CABCOCO1: variants seen among roughly 807,000 people sequenced by gnomAD.
CABCOCO1 encodes ciliary-associated calcium-binding coiled-coil protein 1.
In CABCOCO1, 28 loss-of-function variants were observed where a neutral mutation model predicts 35.7. That is an observed-to-expected ratio of 0.78 (90% CI 0.58 to 1.07). CABCOCO1 has a LOEUF of 1.07. Among genes scored for constraint, CABCOCO1 ranks in the 50% least tolerant of loss-of-function variants. The pLI is 0.00. For missense variants in CABCOCO1, 326 were observed against 309.2 expected (o/e 1.05, Z -0.41); for synonymous variants, 95 against 100.1 (o/e 0.95, Z 0.30).
intron 5 of CABCOCO1, among the ~76,000 whole-genome samples, chr10:61,742,267 T>C (rs1467775676): frequency 6.6e-6 from 1 of 152,192 alleles, no homozygotes; most frequent in African/African-American, 2.4e-5. Flanking sequence ...TCATGTTTTC[T>C]CCATGCTGCC....
chr10:61,680,652 TTA>T (rs1234292418), intron 2 of CABCOCO1, among the ~76,000 whole-genome samples: 2 of 38,046 alleles, frequency 5.3e-5, no homozygotes, highest in Admixed American at 5.2e-4. Flanking sequence ...ATAATATATA[TTA>T]TGTTATACAT....
At chr10:61,752,840 C>T (rs558872770) in intron 5 of CABCOCO1, among the ~76,000 whole-genome samples, 3 of 152,306 alleles carry the variant, frequency 2.0e-5, no homozygotes, top group East Asian at 3.9e-4. Flanking sequence ...TTAGCCCCCA[C>T]TTTCAGTTGT....
At chr10:61,758,072 T>G (rs1224558065) in intron 5 of CABCOCO1, among the ~76,000 whole-genome samples, 1 of 152,044 alleles carries the variant, frequency 6.6e-6, no homozygotes, top group Non-Finnish European at 1.5e-5. Context: ...ACTTTTACCT[T>G]GCAGATTATC....
At chr10:61,667,348 C>T (rs569745938) in intron 1 of CABCOCO1, among the ~76,000 whole-genome samples, 10 of 150,868 alleles carry the variant, frequency 6.6e-5, no homozygotes, top group Non-Finnish European at 1.3e-4. Context: ...AATATCATGT[C>T]GTTTTACATT....
chr10:61,702,052 C>T (rs1225923835), intron 5 of CABCOCO1, among the ~76,000 whole-genome samples: 2 of 152,174 alleles, frequency 1.3e-5, no homozygotes, highest in East Asian at 3.8e-4. Context: ...CAGTTTTATA[C>T]TACCAACTCT....
At chr10:61,759,525 G>T (rs1489801181) in intron 5 of CABCOCO1, among the ~76,000 whole-genome samples, 2 of 151,970 alleles carry the variant, frequency 1.3e-5, no homozygotes. Context: ...GCCTTGCCCT[G>T]TGTGTTTTTG....
chr10:61,676,928 G>T (rs1839529293), intron 2 of CABCOCO1, among the ~76,000 whole-genome samples: 1 of 152,028 alleles, frequency 6.6e-6, no homozygotes, highest in African/African-American at 2.4e-5. Flanking sequence ...GCCGAGCGTG[G>T]TGGCAGGTGC....
At chr10:61,709,218 T>C (rs2132026736) in intron 5 of CABCOCO1, among the ~76,000 whole-genome samples, 1 of 152,260 alleles carries the variant, frequency 6.6e-6, no homozygotes, top group Non-Finnish European at 1.5e-5. Context: ...AGAAACAGTT[T>C]GGACAGGTTC....
At chr10:61,760,823 C>T in intron 6 of CABCOCO1, 40 bp from the exon 7 acceptor site, 1 of 1,578,758 alleles carries the variant, frequency 6.3e-7, no homozygotes, top group Non-Finnish European at 8.6e-7. Context: ...ACCGAATGCT[C>T]TAGAAATCAC....
chr10:61,675,110 A>G (rs1000411281), intron 2 of CABCOCO1, among the ~76,000 whole-genome samples: 1 of 152,200 alleles, frequency 6.6e-6, no homozygotes, highest in Non-Finnish European at 1.5e-5. Context: ...GAGACAAAAT[A>G]GATAGGTATA....
chr10:61,735,667 CAT>C (rs1320160626), intron 5 of CABCOCO1, among the ~76,000 whole-genome samples: 1 of 152,154 alleles, frequency 6.6e-6, no homozygotes, highest in Admixed American at 6.6e-5. Flanking sequence ...TCTTCTGTCA[CAT>C]GAGCCATGGC....
chr10:61,735,920 CT>C (rs536273672), intron 5 of CABCOCO1, among the ~76,000 whole-genome samples: 288 of 152,240 alleles, frequency 1.9e-3, no homozygotes, highest in African/African-American at 6.7e-3. Flanking sequence ...TGATATTGAA[CT>C]TTTTTTCACA....
At chr10:61,761,745 C>T (rs1383938582) in intron 7 of CABCOCO1, among the ~76,000 whole-genome samples, 4 of 152,048 alleles carry the variant, frequency 2.6e-5, no homozygotes, top group Non-Finnish European at 4.4e-5. Context: ...AATATTAATG[C>T]ATCTCAGGAG....
chr10:61,702,061 C>T (rs1840472623), intron 5 of CABCOCO1, among the ~76,000 whole-genome samples: 1 of 152,144 alleles, frequency 6.6e-6, no homozygotes, highest in African/African-American at 2.4e-5. Context: ...ACTACCAACT[C>T]TCAGCACAGG....
chr10:61,727,770 A>G (rs1841193570), intron 5 of CABCOCO1, among the ~76,000 whole-genome samples: 1 of 152,228 alleles, frequency 6.6e-6, no homozygotes, highest in African/African-American at 2.4e-5. Flanking sequence ...ATAATTTTGA[A>G]CACCTAACTG....
Position 61,663,013 on chromosome 10 carries a change from G to GCC in CABCOCO1, c.41_42insCC (p.Thr15GlnfsTer33), listed in dbSNP as rs762865515. 3 of 337,024 alleles carry GCC rather than the reference G, an allele frequency of 8.9e-6. No homozygotes were observed. The highest frequency in any genetic ancestry group is 2.3e-5 in the African/African-American group (1 of 43,882). The allele number at this position is 337,024 out of a possible 1,614,324, so 20.9% of individuals were successfully genotyped here. ...ACTCCCTGGGGGCCGACCCCGGCGGGAACCACGCCCGAATCGGAGGTACAC... is the reference window on the plus strand; with the variant it reads ...ACTCCCTGGGGGCCGACCCCGGCGGGCCAACCACGCCCGAATCGGAGGTACAC... On this transcript the variant is annotated frameshift_variant, in exon 1 of 8. Transcript: ENST00000648843. LOFTEE classifies it high-confidence loss of function.
At chr10:61,705,788 T>A (rs1231847889) in intron 5 of CABCOCO1, among the ~76,000 whole-genome samples, 1 of 152,202 alleles carries the variant, frequency 6.6e-6, no homozygotes, top group Non-Finnish European at 1.5e-5. Flanking sequence ...CTAAGCACTT[T>A]AAATATTACA....
chr10:61,667,397 T>G (rs1170912698), intron 1 of CABCOCO1, among the ~76,000 whole-genome samples: 1 of 151,222 alleles, frequency 6.6e-6, no homozygotes, highest in Admixed American at 6.6e-5. Context: ...ACTCTATTTT[T>G]TTTTCTTGAC....
chr10:61,702,689 T>G (rs751483068), intron 5 of CABCOCO1, among the ~76,000 whole-genome samples: 1 of 152,138 alleles, frequency 6.6e-6, no homozygotes, highest in African/African-American at 2.4e-5. Flanking sequence ...TCAAGTTGGC[T>G]TATGAGGCCA....
Sources: allele counts gnomAD v4.1 joint callset (sites outside exome capture counted in the v4.1 genomes callset), GRCh38; gene constraint gnomAD v4.1.1; transcripts MANE v1.5; gene names NCBI Gene and HGNC (gene_info 2026-07-23, HGNC 2026-07-21).